The following ROBO1 variants were observed in gnomAD, a reference collection of about 807,000 sequenced individuals.
ROBO1 encodes the protein roundabout guidance receptor 1, also known as roundabout homolog 1.
In ROBO1, 149 loss-of-function variants were observed where a neutral mutation model predicts 195.9. The observed-to-expected ratio is 0.76, with a 90% CI of 0.67 to 0.87. ROBO1 has a LOEUF of 0.87. Among genes scored for constraint, ROBO1 ranks in the 40% least tolerant of loss-of-function variants. The probability of loss-of-function intolerance (pLI) is 0.00; values close to 1 mark genes in which losing one functional copy is unlikely to be tolerated. For missense variants in ROBO1, 1,933 were observed against 2,068.3 expected (o/e 0.93, Z 1.27); for synonymous variants, 816 against 733.2 (o/e 1.11, Z -1.82).
intron 2 of ROBO1, among the ~76,000 whole-genome samples, chr3:79,224,411 C>T (rs1158896097): frequency 2.6e-5 from 4 of 152,112 alleles, no homozygotes; most frequent in Non-Finnish European, 2.9e-5. Context: ...CTCAGGCTCA[C>T]GCAGGGTAAC....
chr3:78,787,926 C>T (rs2083887635), intron 4 of ROBO1, among the ~76,000 whole-genome samples: 2 of 71,672 alleles, frequency 2.8e-5, no homozygotes, highest in Non-Finnish European at 4.8e-5. Flanking sequence ...GACCCCTTCT[C>T]TTTTTTTTTT....
chr3:78,881,783 A>G (rs1460934689), intron 4 of ROBO1, among the ~76,000 whole-genome samples: 5 of 152,242 alleles, frequency 3.3e-5, no homozygotes, highest in Admixed American at 2.0e-4. Context: ...TTGTTTCACT[A>G]GAAATTCCTT....
At chr3:78,664,271 C>T (rs1020987812) in intron 14 of ROBO1, among the ~76,000 whole-genome samples, 2 of 152,184 alleles carry the variant, frequency 1.3e-5, no homozygotes, top group African/African-American at 4.8e-5. Flanking sequence ...ACTGTTTCCC[C>T]CAACGTTAAA....
At chr3:79,541,711 T>C (rs528763053) in intron 2 of ROBO1, among the ~76,000 whole-genome samples, 3 of 151,830 alleles carry the variant, frequency 2.0e-5, no homozygotes, top group African/African-American at 2.4e-5. Flanking sequence ...ATCTATAAGA[T>C]AGTTATAAGA....
At chr3:78,994,599 G>A (rs1375789876) in intron 3 of ROBO1, among the ~76,000 whole-genome samples, 1 of 152,098 alleles carries the variant, frequency 6.6e-6, no homozygotes, top group East Asian at 1.9e-4. Flanking sequence ...CACACAGCAT[G>A]AATTTTATTG....
Position 79,268,239 on chromosome 3 carries a change from G to A in ROBO1, c.89-142700C>T, listed in dbSNP as rs143407585. Among the ~76,000 whole-genome samples the A allele has an allele frequency of 5.6e-4, 85 of 151,652 alleles. 2 individuals are homozygous for A. The East Asian group carries it at 0.016, about 29-fold the overall frequency. ...TGCTTACCATGCTTCTGTTATTTTG[G>A]TGTTTCAAGATTCAGACACATCAAA... On this transcript the variant is annotated intron_variant, in intron 2 of 30. Transcript: ENST00000464233.
intron 8 of ROBO1, among the ~76,000 whole-genome samples, chr3:78,700,658 G>A (rs956043183): frequency 1.1e-4 from 17 of 152,134 alleles, no homozygotes; most frequent in Non-Finnish European, 2.9e-5. Context: ...TCAATATCTC[G>A]ATTTTGCAAA....
intron 2 of ROBO1, among the ~76,000 whole-genome samples, chr3:79,263,266 T>C (rs937405179): frequency 6.6e-6 from 1 of 152,124 alleles, no homozygotes; most frequent in African/African-American, 2.4e-5. Context: ...TTTATTTTCA[T>C]CTTTCTTTCT....
At chr3:79,569,679 A>G (rs200989156) in intron 2 of ROBO1, among the ~76,000 whole-genome samples, 12 of 132,010 alleles carry the variant, frequency 9.1e-5, no homozygotes, top group Admixed American at 3.0e-4. Context: ...GTGTGTATAT[A>G]TGTGTGTGTG....
chr3:79,647,961 G>A (rs1054165688), intron 1 of ROBO1, among the ~76,000 whole-genome samples: 1 of 151,962 alleles, frequency 6.6e-6, no homozygotes. Context: ...TTTTGTTGAC[G>A]TTTTTGTGAC....
intron 2 of ROBO1, among the ~76,000 whole-genome samples, chr3:79,455,546 T>C (rs2039591517): frequency 6.6e-6 from 1 of 152,134 alleles, no homozygotes. Flanking sequence ...TACTCACCTA[T>C]AATTCCTTCA....
At chr3:78,764,889 C>T (rs1268233819) in intron 4 of ROBO1, among the ~76,000 whole-genome samples, 8 of 151,970 alleles carry the variant, frequency 5.3e-5, no homozygotes, top group Non-Finnish European at 7.4e-5. Flanking sequence ...AAATTGACAG[C>T]TCTCTTAAGA....
intron 2 of ROBO1, among the ~76,000 whole-genome samples, chr3:79,510,069 A>G (rs920808846): frequency 2.6e-5 from 4 of 152,142 alleles, no homozygotes; most frequent in Admixed American, 2.6e-4. Context: ...TACAAAGAAT[A>G]TGTAATACTT....
At chr3:79,214,229 TAATAAAC>T (rs1171804514) in intron 2 of ROBO1, among the ~76,000 whole-genome samples, 1 of 152,138 alleles carries the variant, frequency 6.6e-6, no homozygotes, top group Non-Finnish European at 1.5e-5. Context: ...CACATTACAG[TAATAAAC>T]AATAAACTAC....
chr3:79,570,809 A>G (rs980708971), intron 2 of ROBO1, among the ~76,000 whole-genome samples: 5 of 152,164 alleles, frequency 3.3e-5, no homozygotes, highest in Non-Finnish European at 5.9e-5. Flanking sequence ...CTGTGAAAAT[A>G]TAATAGGGTG....
At chr3:79,316,801 A>T (rs2033756339) in intron 2 of ROBO1, among the ~76,000 whole-genome samples, 2 of 152,078 alleles carry the variant, frequency 1.3e-5, no homozygotes, top group Admixed American at 1.3e-4. Context: ...AGATTATGCC[A>T]CTCTGAAATT....
intron 4 of ROBO1, among the ~76,000 whole-genome samples, chr3:78,902,030 T>A (rs2037622445): frequency 6.6e-6 from 1 of 152,212 alleles, no homozygotes; most frequent in South Asian, 2.1e-4. Flanking sequence ...TCTGGAGTCC[T>A]TGATAAATAC....
intron 5 of ROBO1, among the ~76,000 whole-genome samples, chr3:78,725,135 C>G (rs188881201): frequency 2.0e-5 from 3 of 152,210 alleles, no homozygotes; most frequent in South Asian, 2.1e-4. Flanking sequence ...TACCATATAC[C>G]TTACCAGCCC....
At chr3:79,620,985 C>A (rs1217826475) in intron 1 of ROBO1, among the ~76,000 whole-genome samples, 3 of 152,116 alleles carry the variant, frequency 2.0e-5, no homozygotes, top group Non-Finnish European at 4.4e-5. Flanking sequence ...CTATCCACCC[C>A]ATGGTGCCAA....
Sources: allele counts gnomAD v4.1 joint callset (sites outside exome capture counted in the v4.1 genomes callset), GRCh38; gene constraint gnomAD v4.1.1; transcripts MANE v1.5; gene names NCBI Gene and HGNC (gene_info 2026-07-23, HGNC 2026-07-21).